CEP85L: variants seen among roughly 807,000 people sequenced by gnomAD.
The protein encoded by CEP85L is centrosomal protein of 85 kDa-like.
CEP85L carries 60 observed loss-of-function variants against 100.3 expected under a neutral mutation model. The observed-to-expected ratio is 0.60, with a 90% CI of 0.49 to 0.74. The LOEUF (loss-of-function observed/expected upper bound fraction) is 0.74, where lower values mean the gene tolerates loss of function less well. CEP85L is among the 30% of genes least tolerant of loss of function. The probability of loss-of-function intolerance (pLI) is 0.00; values close to 1 mark genes in which losing one functional copy is unlikely to be tolerated. For missense variants in CEP85L, 973 were observed against 936.2 expected (o/e 1.04, Z -0.51); for synonymous variants, 319 against 322.7 (o/e 0.99, Z 0.12).
chr6:118,680,306 C>CTTT lies in CEP85L; in HGVS notation c.-27-27501_-27-27499dup, dbSNP rs57764027. 2.8e-4 allele frequency among the ~76,000 whole-genome samples: 16 copies of CTTT among 56,172 alleles called. 1 individual carries two copies. In the Admixed American group the frequency reaches 3.1e-3, roughly 11 times the overall value. 36.9% of individuals were successfully genotyped at this position (56,172 alleles called of 152,430 possible). A position where few individuals can be genotyped will look rare whatever the true frequency, so the allele number is the denominator to read the frequency against. ...AAAAAAGAATCTTTCCTTGGTGTTG[C>CTTT]TTTTTTTTTTTTTTTTTTTTTTTTG... On this transcript the variant is annotated intron_variant, in intron 1 of 13. Transcript: ENST00000368488.
At chr6:118,506,246 C>T (rs1775650524) in intron 5 of CEP85L, among the ~76,000 whole-genome samples, 1 of 152,076 alleles carries the variant, frequency 6.6e-6, no homozygotes, top group Non-Finnish European at 1.5e-5. Context: ...ATAACTTGGA[C>T]AGTCTGAACA....
chr6:118,648,739 CAAAAAAAA>C (rs11442696), intron 1 of CEP85L, among the ~76,000 whole-genome samples: 1 of 73,318 alleles, frequency 1.4e-5, no homozygotes, highest in Admixed American at 1.7e-4. Context: ...AAGACTGTCT[CAAAAAAAA>C]AAAAAAAAAA....
At chr6:118,553,692 A>G (rs977912700) in intron 3 of CEP85L, among the ~76,000 whole-genome samples, 2 of 152,192 alleles carry the variant, frequency 1.3e-5, no homozygotes, top group Non-Finnish European at 2.9e-5. Flanking sequence ...TTCTTTTTCA[A>G]TAACAGTTAG....
At chr6:118,500,773 T>G (rs1471762120) in intron 5 of CEP85L, among the ~76,000 whole-genome samples, 1 of 152,212 alleles carries the variant, frequency 6.6e-6, no homozygotes. Flanking sequence ...CATATGATTG[T>G]GCAACTGCAT....
At chr6:118,574,028 G>A (rs573155286) in intron 2 of CEP85L, 1 of 152,182 alleles carries the variant, frequency 6.6e-6, no homozygotes, top group East Asian at 1.9e-4. Context: ...AGGACAATAA[G>A]TTCTTCTTCA....
intron 2 of CEP85L, among the ~76,000 whole-genome samples, chr6:118,611,654 G>A (rs143081373): frequency 1.4e-3 from 208 of 152,202 alleles, no homozygotes; most frequent in Non-Finnish European, 1.6e-3. Flanking sequence ...TATGTAAAAG[G>A]ATATAAAACA....
At chr6:118,539,586 A>C (rs1777790389) in intron 3 of CEP85L, among the ~76,000 whole-genome samples, 1 of 152,200 alleles carries the variant, frequency 6.6e-6, no homozygotes, top group Non-Finnish European at 1.5e-5. Context: ...ACTATTTTTT[A>C]CTTTTTTTTG....
chr6:118,534,337 A>G (rs1777463772), intron 3 of CEP85L, among the ~76,000 whole-genome samples: 1 of 152,148 alleles, frequency 6.6e-6, no homozygotes. Context: ...TAAGATCTGT[A>G]CACTGAAAAC....
upstream of CEP85L, chr6:118,652,432 A>G: frequency 8.6e-7 from 1 of 1,166,792 alleles, no homozygotes; most frequent in Non-Finnish European, 1.1e-6. Context: ...TGATGCTTCC[A>G]ACGTTTAGTT....
chr6:118,646,498 G>A (rs979343049), intron 1 of CEP85L, among the ~76,000 whole-genome samples: 2 of 151,692 alleles, frequency 1.3e-5, no homozygotes, highest in East Asian at 1.9e-4. Flanking sequence ...GTGAAACCCC[G>A]ACTCTACAAA....
At chr6:118,491,316 A>T (rs1029904240) in intron 6 of CEP85L, 3 of 267,398 alleles carry the variant, frequency 1.1e-5, no homozygotes, top group East Asian at 1.4e-4. Flanking sequence ...CTTCAGTTTA[A>T]TAACTTAAGT....
intron 10 of CEP85L, among the ~76,000 whole-genome samples, chr6:118,472,789 T>G (rs73524113): frequency 0.011 from 1,694 of 152,262 alleles, 43 homozygotes; most frequent in African/African-American, 0.039. Context: ...AAAAATTAAT[T>G]TGCAAACACC....
chr6:118,632,697 G>T, intron 1 of CEP85L, 86 bp from the exon 2 acceptor site: 1 of 884,696 alleles, frequency 1.1e-6, no homozygotes, highest in South Asian at 2.4e-5. Context: ...TACACATAGG[G>T]TATAAAAGGT....
At chr6:118,585,585 C>T (rs1343460549) in intron 2 of CEP85L, among the ~76,000 whole-genome samples, 2 of 152,206 alleles carry the variant, frequency 1.3e-5, no homozygotes, top group African/African-American at 4.8e-5. Context: ...TACATTTCAG[C>T]CCTCAGGATG....
chr6:118,590,528 CT>C (rs902205697), intron 2 of CEP85L, among the ~76,000 whole-genome samples: 15 of 151,994 alleles, frequency 9.9e-5, no homozygotes, highest in African/African-American at 1.7e-4. Flanking sequence ...TGGGAGGACC[CT>C]TTTTTTGGCG....
At chr6:118,622,414 T>C (rs757681108) in intron 2 of CEP85L, among the ~76,000 whole-genome samples, 3 of 152,232 alleles carry the variant, frequency 2.0e-5, no homozygotes, top group Non-Finnish European at 4.4e-5. Context: ...CCCAGACTTA[T>C]GCCGCCTGGG....
chr6:118,500,265 A>G (rs1176219387), intron 5 of CEP85L, among the ~76,000 whole-genome samples: 1 of 152,090 alleles, frequency 6.6e-6, no homozygotes, highest in Non-Finnish European at 1.5e-5. Context: ...TACTGCTGGG[A>G]GCCAAAAATG....
intron 3 of CEP85L, chr6:118,537,405 G>T: frequency 2.0e-6 from 1 of 503,262 alleles, no homozygotes; most frequent in Non-Finnish European, 2.6e-6. Context: ...GGAGCACTGG[G>T]AAGGCCTCAT....
intron 2 of CEP85L, among the ~76,000 whole-genome samples, chr6:118,623,548 A>G (rs1418698940): frequency 2.6e-5 from 4 of 152,292 alleles, no homozygotes; most frequent in African/African-American, 9.6e-5. Context: ...GGAGACCACA[A>G]TCCTCAGGGA....
Sources: allele counts gnomAD v4.1 joint callset (sites outside exome capture counted in the v4.1 genomes callset), GRCh38; gene constraint gnomAD v4.1.1; transcripts MANE v1.5; gene names NCBI Gene and HGNC (gene_info 2026-07-23, HGNC 2026-07-21).